Variants in ANP32B observed in about 807,000 individuals in gnomAD.
ANP32B encodes the protein acidic leucine-rich nuclear phosphoprotein 32 family member B.
ANP32B carries 6 observed loss-of-function variants against 32.2 expected under a neutral mutation model. The observed-to-expected ratio is 0.19, with a 90% CI of 0.10 to 0.37. The LOEUF is 0.37. ANP32B is among the 10% of genes least tolerant of loss of function. The probability of loss-of-function intolerance (pLI) is 1.00; values close to 1 mark genes in which losing one functional copy is unlikely to be tolerated. For missense variants in ANP32B, 204 were observed against 289.2 expected (o/e 0.71, Z 2.14); for synonymous variants, 98 against 105.8 (o/e 0.93, Z 0.45).
chr9:97,986,386 G>A (rs1827735019), intron 1 of ANP32B, among the ~76,000 whole-genome samples: 1 of 152,210 alleles, frequency 6.6e-6, no homozygotes, highest in Non-Finnish European at 1.5e-5. Flanking sequence ...TTGAGAGAGT[G>A]TTGTGGGAGC....
In ANP32B at chr9:97,985,618, C is replaced by A. The variant is rs79419221; in HGVS notation, c.54+2009C>A. On this transcript the variant is annotated intron_variant, in intron 1 of 6. Coordinates refer to ENST00000339399, the MANE Select transcript of ANP32B (RefSeq NM_006401.3). ...AAAGTGCCCGCAAGAGAAGTACACA[C>A]GTGGGTCTTCAGAAATGCGTTAAAA... 2.6e-3 allele frequency among the ~76,000 whole-genome samples: 394 copies of A among 152,252 alleles called. 1 individual carries two copies. The highest frequency in any genetic ancestry group is 9.2e-3 in the African/African-American group (382 of 41,548).
intron 1 of ANP32B, chr9:97,984,587 GC>G (rs1827671422): frequency 6.6e-6 from 1 of 150,824 alleles, no homozygotes; most frequent in Admixed American, 6.6e-5. Flanking sequence ...CGCCATGTTG[GC>G]GGGTGCCCGT....
chr9:98,015,483 C>G lies in ANP32B; in HGVS notation c.*52C>G. The G allele has an allele frequency of 6.6e-7, 1 of 1,521,506 alleles. No individual in the cohort carries two copies. The highest frequency in any genetic ancestry group is 1.3e-5 in the South Asian group (1 of 79,382). The allele number at this position is 1,521,506 out of a possible 1,614,324, so 94.3% of individuals were successfully genotyped here. ...ACTGTTCAGTATTGGTTGGACTGCT[C>G]ATGGATTTTGTAGCTGTTTAAAAAA... is the stretch of plus-strand genomic sequence containing the variant. On this transcript the variant is annotated 3_prime_UTR_variant, in exon 7 of 7. Transcript: ENST00000339399.
chr9:97,989,491 G>T (rs988067754), intron 1 of ANP32B, among the ~76,000 whole-genome samples: 1 of 152,140 alleles, frequency 6.6e-6, no homozygotes. Context: ...TCTTCAAGCA[G>T]AAGGCCAGTT....
In ANP32B at chr9:98,013,875, C is replaced by T. The variant is rs956878153; in HGVS notation, c.688+1403C>T. On this transcript the variant is annotated intron_variant, in intron 6 of 6. Coordinates refer to ENST00000339399, the MANE Select transcript of ANP32B (RefSeq NM_006401.3). ...TGTCTCAAAAAAAAAAAAAAGTTAG[C>T]TGCACATGGTGGTGCACACCTATAG... 3.3e-5 allele frequency among the ~76,000 whole-genome samples: 5 copies of T among 151,910 alleles called. No individual in the cohort carries two copies. In the South Asian group the frequency reaches 6.2e-4, roughly 19 times the overall value.
At chr9:98,002,018 G>A (rs1166235752) in intron 3 of ANP32B, among the ~76,000 whole-genome samples, 12 of 152,108 alleles carry the variant, frequency 7.9e-5, no homozygotes, top group East Asian at 1.9e-4. Flanking sequence ...CTGGGGTCCC[G>A]CCATTCTGCT....
intron 1 of ANP32B, among the ~76,000 whole-genome samples, chr9:97,984,187 C>A (rs1487042987): frequency 2.0e-5 from 3 of 150,352 alleles, no homozygotes; most frequent in Non-Finnish European, 4.4e-5. Context: ...GAGCGAGAAG[C>A]CCCCTCGGGC....
At chr9:97,985,072 C>A (rs1270858405) in intron 1 of ANP32B, among the ~76,000 whole-genome samples, 3 of 150,290 alleles carry the variant, frequency 2.0e-5, no homozygotes, top group East Asian at 2.0e-4. Context: ...GCGAGCCCCC[C>A]CCCCGCCGCG....
chr9:98,012,384 G>A, intron 5 of ANP32B, 37 bp from the exon 6 acceptor site: 1 of 1,598,778 alleles, frequency 6.3e-7, no homozygotes, highest in Non-Finnish European at 8.5e-7. Context: ...CAATTTGGCA[G>A]AATTAATTTA....
At chr9:98,013,718 G>A (rs1383185831) in intron 6 of ANP32B, among the ~76,000 whole-genome samples, 1 of 152,012 alleles carries the variant, frequency 6.6e-6, no homozygotes, top group Non-Finnish European at 1.5e-5. Flanking sequence ...GGCCAACATG[G>A]TAAAATCCTG....
At chr9:98,014,420 A>C (rs1337866449) in intron 6 of ANP32B, among the ~76,000 whole-genome samples, 1 of 151,988 alleles carries the variant, frequency 6.6e-6, no homozygotes, top group Admixed American at 6.6e-5. Flanking sequence ...AAAAAAAAAC[A>C]ACCTGTATGA....
chr9:97,991,160 A>G (rs1297039825), intron 1 of ANP32B, among the ~76,000 whole-genome samples: 1 of 150,938 alleles, frequency 6.6e-6, no homozygotes, highest in African/African-American at 2.4e-5. Context: ...CTGTGGCCCA[A>G]GCTGGAGCAT....
chr9:97,987,940 T>TA (rs1228488904), intron 1 of ANP32B, among the ~76,000 whole-genome samples: 10 of 152,168 alleles, frequency 6.6e-5, no homozygotes, highest in Non-Finnish European at 1.5e-4. Flanking sequence ...GTATAAGTAA[T>TA]ACATCTTCGT....
At chr9:98,000,950 T>G (rs183255546) in intron 3 of ANP32B, among the ~76,000 whole-genome samples, 368 of 151,466 alleles carry the variant, frequency 2.4e-3, no homozygotes, top group South Asian at 8.4e-3. Context: ...ATTCGAAGTC[T>G]GCTGTGTTTT....
intron 3 of ANP32B, among the ~76,000 whole-genome samples, chr9:98,002,962 C>T (rs1828019140): frequency 6.6e-6 from 1 of 152,158 alleles, no homozygotes. Flanking sequence ...TAGCTGGCAT[C>T]GAGTCAGCCT....
chr9:98,014,859 T>C (rs539853189), intron 6 of ANP32B, among the ~76,000 whole-genome samples: 31 of 152,276 alleles, frequency 2.0e-4, no homozygotes, highest in African/African-American at 7.2e-4. Flanking sequence ...TTCAAGCAAT[T>C]CTCATGCCTC....
intron 1 of ANP32B, chr9:97,984,788 G>C (rs1827680391): frequency 6.7e-6 from 1 of 149,692 alleles, no homozygotes; most frequent in African/African-American, 2.4e-5. Context: ...GCGCGCTGCC[G>C]ACCCCCTCCC....
intron 4 of ANP32B, among the ~76,000 whole-genome samples, chr9:98,006,845 A>G (rs537351557): frequency 1.6e-4 from 24 of 151,946 alleles, no homozygotes; most frequent in Non-Finnish European, 3.4e-4. Context: ...AAAATTAACC[A>G]GGCATGGTGG....
At chr9:97,987,080 T>C (rs1033200670) in intron 1 of ANP32B, among the ~76,000 whole-genome samples, 1 of 152,204 alleles carries the variant, frequency 6.6e-6, no homozygotes, top group Non-Finnish European at 1.5e-5. Context: ...ACTAGGGTCT[T>C]CTTCAGTTCA....
Sources: gnomAD v4.1 joint callset for allele counts (sites outside exome capture counted in the v4.1 genomes callset) on GRCh38, gnomAD v4.1.1 for gene constraint, MANE v1.5 for transcripts, NCBI Gene and HGNC (gene_info 2026-07-23, HGNC 2026-07-21) for gene names.